The following PRKAR1B variants were observed in gnomAD, a reference collection of about 807,000 sequenced individuals.
The protein encoded by PRKAR1B is cAMP-dependent protein kinase type I-beta regulatory subunit.
A neutral mutation model predicts 46.5 loss-of-function variants in PRKAR1B; 22 were observed. That is an observed-to-expected ratio of 0.47 (90% CI 0.34 to 0.68). The LOEUF (loss-of-function observed/expected upper bound fraction) is 0.68, where lower values mean the gene tolerates loss of function less well. Among genes scored for constraint, PRKAR1B ranks in the 30% least tolerant of loss-of-function variants. The pLI, the probability that PRKAR1B is intolerant of heterozygous loss-of-function variation, is 0.01. For missense variants in PRKAR1B, 445 were observed against 535.6 expected (o/e 0.83, Z 1.67); for synonymous variants, 259 against 217.7 (o/e 1.19, Z -1.67).
rs1176554740 is a variant in PRKAR1B, at chr7:549,711, C to T, written c.*719G>A. ...CCGCCAGCCCCTCCCAAAGGAACTTCGAGCCCGGCCCCCCCTACTGGGGTC... is the reference window on the plus strand; with the variant it reads ...CCGCCAGCCCCTCCCAAAGGAACTTTGAGCCCGGCCCCCCCTACTGGGGTC... On this transcript the variant is annotated 3_prime_UTR_variant, in exon 11 of 11. Transcript: ENST00000537384. The T allele has an allele frequency of 2.0e-5, 3 of 152,266 alleles. No homozygotes were observed. The highest frequency in any genetic ancestry group is 1.9e-4 in the East Asian group (1 of 5,152). 9.4% of individuals were successfully genotyped at this position (152,266 alleles called of 1,614,324 possible).
At chr7:656,972 G>A (rs1336073140) in intron 4 of PRKAR1B, among the ~76,000 whole-genome samples, 8 of 151,074 alleles carry the variant, frequency 5.3e-5, no homozygotes, top group Non-Finnish European at 1.2e-4. Flanking sequence ...TGAATGCATG[G>A]ATGGACGGAC....
intron 2 of PRKAR1B, among the ~76,000 whole-genome samples, chr7:699,147 G>C (rs541832277): frequency 1.3e-5 from 2 of 152,380 alleles, no homozygotes; most frequent in East Asian, 3.9e-4. Context: ...GGTGGGAAGG[G>C]TGTGGCCTCA....
Position 555,881 on chromosome 7 carries a change from C to G in PRKAR1B, c.892-4411G>C, listed in dbSNP as rs36063955. On this transcript the variant is annotated intron_variant, in intron 9 of 10. Transcript: ENST00000537384. ...GGTGCTGCGAATTGGCAGACGGGAG[C>G]CCGGGAGGCAGACCCAGGCAGCGTG... is the stretch of plus-strand genomic sequence containing the variant. Among the ~76,000 whole-genome samples the G allele has an allele frequency of 6.9e-3, 1,053 of 152,298 alleles. 4 individuals are homozygous for G. Among genetic ancestry groups the G allele is most frequent in the Middle Eastern group, 0.017 (5 of 294 alleles).
chr7:591,766 A>C (rs555171312), intron 7 of PRKAR1B, among the ~76,000 whole-genome samples: 1 of 152,258 alleles, frequency 6.6e-6, no homozygotes, highest in East Asian at 1.9e-4. Flanking sequence ...GTGGGGTGAA[A>C]TGACTGGTGA....
intron 6 of PRKAR1B, among the ~76,000 whole-genome samples, chr7:601,029 C>G (rs552970181): frequency 6.6e-6 from 1 of 152,234 alleles, no homozygotes; most frequent in African/African-American, 2.4e-5. Context: ...CTGGACGCTG[C>G]TGGTCAGAGG....
At chr7:673,617 G>A (rs1375267843) in intron 4 of PRKAR1B, among the ~76,000 whole-genome samples, 1 of 150,086 alleles carries the variant, frequency 6.7e-6, no homozygotes, top group East Asian at 2.0e-4. Context: ...CCACTGCACT[G>A]AAGCCTGGGC....
At chr7:592,569 G>C (rs1781041229) in intron 7 of PRKAR1B, among the ~76,000 whole-genome samples, 1 of 152,246 alleles carries the variant, frequency 6.6e-6, no homozygotes, top group Non-Finnish European at 1.5e-5. Context: ...GGGGCTGAGG[G>C]GCGGGGAGGG....
chr7:592,201 G>A (rs1781016053), intron 7 of PRKAR1B, among the ~76,000 whole-genome samples: 1 of 152,300 alleles, frequency 6.6e-6, no homozygotes, highest in Non-Finnish European at 1.5e-5. Flanking sequence ...TGAGCCCACC[G>A]TCCCGCCCGA....
At chr7:589,938 C>G (rs1016117244) in intron 7 of PRKAR1B, among the ~76,000 whole-genome samples, 5 of 152,230 alleles carry the variant, frequency 3.3e-5, no homozygotes, top group African/African-American at 1.2e-4. Flanking sequence ...ACACCAAGCC[C>G]ACGGCCCTGT....
At chr7:636,099 GCCGCGCCCTC>G (rs1784053250) in intron 4 of PRKAR1B, among the ~76,000 whole-genome samples, 1 of 20,806 alleles carries the variant, frequency 4.8e-5, no homozygotes, top group Non-Finnish European at 8.9e-5. Context: ...TCCTCCACCG[GCCGCGCCCTC>G]ACGTCCTCCA....
intron 4 of PRKAR1B, among the ~76,000 whole-genome samples, chr7:655,726 T>G (rs76249992): frequency 0.034 from 5,186 of 152,294 alleles, 116 homozygotes; most frequent in African/African-American, 0.055. Flanking sequence ...AAACATTTGT[T>G]GAATGAATGA....
In PRKAR1B at chr7:666,122, G is replaced by A. The variant is rs1356453217; in HGVS notation, c.440+11107C>T. Among the ~76,000 whole-genome samples the A allele has an allele frequency of 6.6e-6, 1 of 152,198 alleles. No individual in the cohort carries two copies. Among genetic ancestry groups the A allele is most frequent in the African/African-American group, 2.4e-5 (1 of 41,446 alleles). ...AATTATCACGTTTCTCGGCTCCCAG[G>A]AGCTCAGCGATGCTCCCCCTACAGG... On this transcript the variant is annotated intron_variant, in intron 4 of 10. Transcript: ENST00000537384. This position sits in a 1 kb window ranked among gnomAD's most constrained non-coding sequence, Gnocchi z 4.9.
At chr7:679,683 T>C (rs1778547018) in intron 3 of PRKAR1B, among the ~76,000 whole-genome samples, 1 of 152,208 alleles carries the variant, frequency 6.6e-6, no homozygotes, top group African/African-American at 2.4e-5. Flanking sequence ...GCCACTCAAC[T>C]GTGCACTCAG....
chr7:576,723 C>T (rs539797691), intron 9 of PRKAR1B, among the ~76,000 whole-genome samples: 3 of 151,810 alleles, frequency 2.0e-5, no homozygotes, highest in Non-Finnish European at 1.5e-5. Context: ...TCTGCTGTTT[C>T]TCCTGCTCTA....
chr7:575,146 G>T (rs555262818), intron 9 of PRKAR1B, among the ~76,000 whole-genome samples: 1 of 152,216 alleles, frequency 6.6e-6, no homozygotes, highest in Non-Finnish European at 1.5e-5. Flanking sequence ...GTTCTCACTC[G>T]GGGTCTCCCC....
At chr7:568,260 C>T (rs1302673530) in intron 9 of PRKAR1B, among the ~76,000 whole-genome samples, 1 of 152,132 alleles carries the variant, frequency 6.6e-6, no homozygotes, top group Non-Finnish European at 1.5e-5. Context: ...ATGGCCGAGC[C>T]ACAAGGTAGG....
In PRKAR1B at chr7:727,168, G is replaced by C. The variant is rs1462634117; in HGVS notation, c.-23+42C>G. The C allele has an allele frequency of 5.1e-5, 67 of 1,315,836 alleles. No individual in the cohort carries two copies. Among genetic ancestry groups the C allele is most frequent in the Non-Finnish European group, 6.1e-5 (63 of 1,027,906 alleles). 81.5% of individuals were successfully genotyped at this position (1,315,836 alleles called of 1,614,324 possible). A position where few individuals can be genotyped will look rare whatever the true frequency, so the allele number is the denominator to read the frequency against. On this transcript the variant is annotated intron_variant, in intron 1 of 10. Transcript: ENST00000537384. ...GCGCCTGGCGCTTGTGCAGCTGCTG[G>C]GCCTGGCCGTGGACCTGTGCGGCGC... is the stretch of plus-strand genomic sequence containing the variant.
At chr7:724,488 C>A (rs1410370618) in intron 1 of PRKAR1B, among the ~76,000 whole-genome samples, 1 of 152,244 alleles carries the variant, frequency 6.6e-6, no homozygotes, top group African/African-American at 2.4e-5. Flanking sequence ...TCCTTCCCGC[C>A]TTCGGCCATC....
rs556092594 is a variant in PRKAR1B, at chr7:678,321, T to G, written c.349-1001A>C. On this transcript the variant is annotated intron_variant, in intron 3 of 10. Coordinates refer to ENST00000537384, the MANE Select transcript of PRKAR1B (RefSeq NM_001164760.2). ...CACAGAGAAAAGGTACAGTAAAAAA[T>G]ATGGTATCATAATCTTACGGAACCA... 2.1e-3 allele frequency among the ~76,000 whole-genome samples: 312 copies of G among 152,154 alleles called. 2 individuals carry two copies. Among genetic ancestry groups the G allele is most frequent in the African/African-American group, 7.2e-3 (299 of 41,520 alleles).
Sources: allele counts gnomAD v4.1 joint callset (sites outside exome capture counted in the v4.1 genomes callset), GRCh38; gene constraint gnomAD v4.1.1; non-coding constraint Gnocchi (gnomAD v3.1); transcripts MANE v1.5; gene names NCBI Gene and HGNC (gene_info 2026-07-23, HGNC 2026-07-21).